Variants in KLF12 observed in about 807,000 individuals in gnomAD.
KLF12 encodes KLF transcription factor 12.
In KLF12, 9 loss-of-function variants were observed where a neutral mutation model predicts 37.8. That is an observed-to-expected ratio of 0.24 (90% CI 0.14 to 0.42). The LOEUF (loss-of-function observed/expected upper bound fraction) is 0.42. Among genes scored for constraint, KLF12 ranks in the 10% least tolerant of loss-of-function variants. The pLI is 1.00. For synonymous variants in KLF12, 208 were observed against 202.1 expected (o/e 1.03, Z -0.25); for missense variants, 411 against 516.0 (o/e 0.80, Z 1.97).
At chr13:74,091,132 G>C (rs932281693) in intron 1 of KLF12, among the ~76,000 whole-genome samples, 8 of 152,110 alleles carry the variant, frequency 5.3e-5, no homozygotes, top group African/African-American at 1.9e-4. Context: ...GAAAAATCAA[G>C]AGTCTTTTTA....
At chr13:74,202,127 G>A in the KLF12 span, among the ~76,000 whole-genome samples, 1 of 152,148 alleles carries the variant, frequency 6.6e-6, no homozygotes, top group Non-Finnish European at 1.5e-5. Context: ...TAATTTGAAA[G>A]ATCTTAAGAT....
chr13:74,179,712 A>G, the KLF12 span, among the ~76,000 whole-genome samples: 1 of 152,198 alleles, frequency 6.6e-6, no homozygotes, highest in African/African-American at 2.4e-5. Flanking sequence ...ACACTGCAGA[A>G]TAGTGTACTC....
At chr13:73,724,822 T>C (rs1876538769) in intron 6 of KLF12, among the ~76,000 whole-genome samples, 1 of 152,220 alleles carries the variant, frequency 6.6e-6, no homozygotes, top group South Asian at 2.1e-4. Flanking sequence ...ACAGTGGGTT[T>C]CTTGACCCCT....
At chr13:74,073,830 C>T (rs9543519) in intron 1 of KLF12, among the ~76,000 whole-genome samples, 92,868 of 152,022 alleles carry the variant, frequency 0.61, 29,825 homozygotes, top group East Asian at 0.72. Flanking sequence ...CCTAAGAGCA[C>T]GGGGCATGCT....
chr13:74,106,213 C>A (rs551089729), intron 1 of KLF12, among the ~76,000 whole-genome samples: 1 of 152,102 alleles, frequency 6.6e-6, no homozygotes, highest in South Asian at 2.1e-4. Flanking sequence ...TAAACAGGTA[C>A]CCATCCAAAT....
chr13:73,736,814 G>A (rs1877497605), intron 6 of KLF12, among the ~76,000 whole-genome samples: 1 of 152,124 alleles, frequency 6.6e-6, no homozygotes, highest in African/African-American at 2.4e-5. Flanking sequence ...GTAGAAAAAT[G>A]GAGTATTGAT....
intron 1 of KLF12, among the ~76,000 whole-genome samples, chr13:73,999,543 C>A (rs1032020087): frequency 3.3e-5 from 5 of 150,846 alleles, no homozygotes; most frequent in Non-Finnish European, 7.4e-5. Flanking sequence ...ACCATCCTGG[C>A]TAACATGGTG....
intron 1 of KLF12, among the ~76,000 whole-genome samples, chr13:74,068,758 T>C (rs181484651): frequency 3.9e-5 from 6 of 152,232 alleles, no homozygotes; most frequent in Non-Finnish European, 8.8e-5. Context: ...GGTTTCACCA[T>C]GTTGGCTAGA....
intron 2 of KLF12, chr13:73,962,090 G>A (rs1891039224): frequency 4.5e-6 from 2 of 443,492 alleles, no homozygotes; most frequent in Admixed American, 4.9e-5. Flanking sequence ...CCTTCATTAG[G>A]TGAATGGATA....
intron 1 of KLF12, among the ~76,000 whole-genome samples, chr13:74,102,111 G>C (rs562850351): frequency 6.6e-6 from 1 of 151,622 alleles, no homozygotes; most frequent in Admixed American, 6.6e-5. Context: ...CCAGCTACTC[G>C]GGAAGCTGAG....
At chr13:74,221,147 A>G in the KLF12 span, among the ~76,000 whole-genome samples, 34 of 151,628 alleles carry the variant, frequency 2.2e-4, no homozygotes, top group East Asian at 9.7e-4. Context: ...TGGGACTACA[A>G]GCACCGCCGC....
chr13:74,245,793 A>G, the KLF12 span, among the ~76,000 whole-genome samples: 4 of 152,192 alleles, frequency 2.6e-5, no homozygotes, highest in South Asian at 2.1e-4. Flanking sequence ...TTACTTAACC[A>G]CTTACCTCTT....
intron 4 of KLF12, among the ~76,000 whole-genome samples, chr13:73,828,589 A>G (rs9573306): frequency 0.23 from 34,323 of 151,992 alleles, 4,221 homozygotes; most frequent in East Asian, 0.47. Context: ...GGCTCTCAGG[A>G]ATTCTCACGT....
At chr13:74,026,420 T>C (rs1486588770) in intron 1 of KLF12, among the ~76,000 whole-genome samples, 2 of 152,116 alleles carry the variant, frequency 1.3e-5, no homozygotes, top group Non-Finnish European at 2.9e-5. Context: ...CATTTAAAAA[T>C]GGTTAAACTA....
the KLF12 span, among the ~76,000 whole-genome samples, chr13:74,285,180 AT>A: frequency 0.045 from 6,434 of 144,380 alleles, 424 homozygotes; most frequent in African/African-American, 0.14. Context: ...GCCCTACCTG[AT>A]TTTTTTTTTT....
At chr13:73,966,550 T>C (rs1891176064) in intron 2 of KLF12, among the ~76,000 whole-genome samples, 1 of 152,172 alleles carries the variant, frequency 6.6e-6, no homozygotes, top group South Asian at 2.1e-4. Flanking sequence ...CCAAGTCTCA[T>C]TTGAGGACAG....
intron 3 of KLF12, among the ~76,000 whole-genome samples, chr13:73,916,208 T>TACACACAC (rs67011700): frequency 1.7e-3 from 187 of 109,926 alleles, no homozygotes; most frequent in Admixed American, 3.0e-3. Context: ...AGCTAATACT[T>TACACACAC]ACACACACAC....
chr13:74,021,132 C>T (rs532165643), intron 1 of KLF12, among the ~76,000 whole-genome samples: 2 of 151,788 alleles, frequency 1.3e-5, no homozygotes, highest in African/African-American at 2.4e-5. Flanking sequence ...AAGGAGACGT[C>T]AAAAGAAAAG....
intron 1 of KLF12, among the ~76,000 whole-genome samples, chr13:74,031,492 T>A (rs1279060336): frequency 6.6e-6 from 1 of 152,150 alleles, no homozygotes; most frequent in Non-Finnish European, 1.5e-5. Context: ...AGAGGAGGTG[T>A]ATGTTACTGG....
Sources: gnomAD v4.1 joint callset for allele counts (sites outside exome capture counted in the v4.1 genomes callset) on GRCh38, gnomAD v4.1.1 for gene constraint, MANE v1.5 for transcripts, NCBI Gene and HGNC (gene_info 2026-07-23, HGNC 2026-07-21) for gene names.